The following KCNIP4 variants were observed in gnomAD, a reference collection of about 807,000 sequenced individuals.
KCNIP4 encodes Kv channel-interacting protein 4.
A neutral mutation model predicts 34.0 loss-of-function variants in KCNIP4; 12 were observed. That is an observed-to-expected ratio of 0.35 (90% confidence interval 0.23 to 0.57). The LOEUF (loss-of-function observed/expected upper bound fraction) is 0.57, where lower values mean the gene tolerates loss of function less well. Among genes scored for constraint, KCNIP4 ranks in the 20% least tolerant of loss-of-function variants. The pLI is 0.83. For missense variants in KCNIP4, 238 were observed against 311.7 expected (o/e 0.76, Z 1.78); for synonymous variants, 124 against 102.2 (o/e 1.21, Z -1.29).
At chr4:21,528,573 A>C (rs1577531828) in intron 1 of KCNIP4, among the ~76,000 whole-genome samples, 1 of 151,672 alleles carries the variant, frequency 6.6e-6, no homozygotes, top group South Asian at 2.1e-4. Context: ...AGGTTGAGAC[A>C]GGACAATCAC....
At chr4:21,394,009 C>A (rs540936509) in intron 1 of KCNIP4, among the ~76,000 whole-genome samples, 2 of 152,216 alleles carry the variant, frequency 1.3e-5, no homozygotes, top group Middle Eastern at 3.4e-3. Context: ...TTGCCTACTG[C>A]GTGAAGTGTT....
At chr4:20,929,819 T>G (rs184029868) in intron 1 of KCNIP4, among the ~76,000 whole-genome samples, 2 of 151,828 alleles carry the variant, frequency 1.3e-5, no homozygotes, top group East Asian at 3.9e-4. Context: ...ACCATAAAGG[T>G]GAAATATTTG....
chr4:21,173,605 A>G (rs1214729085), intron 1 of KCNIP4, among the ~76,000 whole-genome samples: 1 of 152,170 alleles, frequency 6.6e-6, no homozygotes, highest in Non-Finnish European at 1.5e-5. Flanking sequence ...TCTTCATTCC[A>G]CGGAGGAGGA....
intron 1 of KCNIP4, among the ~76,000 whole-genome samples, chr4:20,960,252 G>A (rs1470106271): frequency 6.6e-6 from 1 of 151,922 alleles, no homozygotes; most frequent in Non-Finnish European, 1.5e-5. Flanking sequence ...TATTTTATAG[G>A]GAGTCAAAAG....
At chr4:20,748,417 T>C (rs1383679235) in intron 5 of KCNIP4, among the ~76,000 whole-genome samples, 2 of 151,942 alleles carry the variant, frequency 1.3e-5, no homozygotes, top group Non-Finnish European at 2.9e-5. Flanking sequence ...GCTTCCCTGC[T>C]ACAGCCCCTT....
At chr4:21,439,093 C>T (rs974793457) in intron 1 of KCNIP4, among the ~76,000 whole-genome samples, 53 of 146,022 alleles carry the variant, frequency 3.6e-4, no homozygotes, top group African/African-American at 1.2e-3. Context: ...ACCTGGGAGG[C>T]GGAGCTTGCA....
At chr4:21,292,225 A>C (rs1464097179) in intron 1 of KCNIP4, among the ~76,000 whole-genome samples, 5 of 152,168 alleles carry the variant, frequency 3.3e-5, no homozygotes. Context: ...ACCACTAGGA[A>C]ATGGGATTTT....
chr4:21,539,915 T>C (rs563854303), intron 1 of KCNIP4, among the ~76,000 whole-genome samples: 2 of 151,872 alleles, frequency 1.3e-5, no homozygotes, highest in Admixed American at 1.3e-4. Context: ...GAGGTGGCAG[T>C]TGCAGTGAGC....
chr4:20,786,078 G>A (rs1711947391), intron 3 of KCNIP4, among the ~76,000 whole-genome samples: 1 of 152,044 alleles, frequency 6.6e-6, no homozygotes, highest in Non-Finnish European at 1.5e-5. Context: ...ATTGGGTAAA[G>A]AAAATGTACA....
intron 1 of KCNIP4, among the ~76,000 whole-genome samples, chr4:21,237,504 G>C (rs1759454821): frequency 6.6e-6 from 1 of 152,118 alleles, no homozygotes; most frequent in Non-Finnish European, 1.5e-5. Context: ...AAGAAGAAAA[G>C]AGAGAAGAAT....
chr4:21,297,709 T>C (rs566464655), intron 1 of KCNIP4, among the ~76,000 whole-genome samples: 1 of 152,224 alleles, frequency 6.6e-6, no homozygotes, highest in Admixed American at 6.5e-5. Context: ...TACAATTATG[T>C]AAATTACTGA....
intron 1 of KCNIP4, among the ~76,000 whole-genome samples, chr4:21,744,798 A>G (rs1716662340): frequency 6.6e-6 from 1 of 152,214 alleles, no homozygotes; most frequent in Admixed American, 6.6e-5. Context: ...ATACCTTGTA[A>G]GTCAATATAT....
chr4:20,735,788 G>A (rs12650007), intron 5 of KCNIP4, among the ~76,000 whole-genome samples: 49,322 of 151,930 alleles, frequency 0.32, 8,518 homozygotes, highest in African/African-American at 0.43. Flanking sequence ...GCCCACCGCC[G>A]CCTCTCAAAG....
chr4:21,276,200 C>T (rs185844223), intron 1 of KCNIP4, among the ~76,000 whole-genome samples: 2 of 152,308 alleles, frequency 1.3e-5, no homozygotes, highest in Admixed American at 6.5e-5. Context: ...TCCACAGTGC[C>T]TGTGAATGTG....
At chr4:21,863,551 G>A (rs1369143700) in intron 1 of KCNIP4, among the ~76,000 whole-genome samples, 6 of 152,122 alleles carry the variant, frequency 3.9e-5, no homozygotes, top group Admixed American at 3.9e-4. Context: ...TCTTTTCTGA[G>A]GAAGGAAGAG....
chr4:21,072,135 T>G (rs1221515387), intron 1 of KCNIP4, among the ~76,000 whole-genome samples: 2 of 152,216 alleles, frequency 1.3e-5, no homozygotes, highest in African/African-American at 4.8e-5. Context: ...CAACATGATT[T>G]ATAATCCTTT....
intron 1 of KCNIP4, among the ~76,000 whole-genome samples, chr4:21,047,336 A>G (rs1333991220): frequency 6.6e-6 from 1 of 152,186 alleles, no homozygotes; most frequent in Non-Finnish European, 1.5e-5. Context: ...AATGATTGGT[A>G]TAGATAATCT....
chr4:21,123,955 C>A (rs893314808), intron 1 of KCNIP4, among the ~76,000 whole-genome samples: 1 of 151,772 alleles, frequency 6.6e-6, no homozygotes, highest in Non-Finnish European at 1.5e-5. Context: ...AATAAATGTC[C>A]GTTGCTTAGG....
intron 5 of KCNIP4, among the ~76,000 whole-genome samples, chr4:20,741,637 C>G (rs1419279566): frequency 6.6e-6 from 1 of 152,148 alleles, no homozygotes; most frequent in Non-Finnish European, 1.5e-5. Context: ...AAAATCAACA[C>G]CCTAACATCA....
Sources: allele counts gnomAD v4.1 joint callset (sites outside exome capture counted in the v4.1 genomes callset), GRCh38; gene constraint gnomAD v4.1.1; transcripts MANE v1.5; gene names NCBI Gene and HGNC (gene_info 2026-07-23, HGNC 2026-07-21).